The following FHIT variants were observed in gnomAD, a reference collection of about 807,000 sequenced individuals.
FHIT encodes fragile histidine triad diadenosine triphosphatase.
In FHIT, 19 loss-of-function variants were observed where a neutral mutation model predicts 17.9. That is an observed-to-expected ratio of 1.06 (90% confidence interval 0.74 to 1.56). The LOEUF (loss-of-function observed/expected upper bound fraction) is 1.56. Ranked by LOEUF, FHIT falls within the 40% of genes most tolerant of loss-of-function variation. The probability of loss-of-function intolerance (pLI) is 0.00; values close to 1 mark genes in which losing one functional copy is unlikely to be tolerated. For missense variants in FHIT, 248 were observed against 189.2 expected (o/e 1.31, Z -1.82); for synonymous variants, 81 against 69.7 (o/e 1.16, Z -0.81).
chr3:60,499,964 TG>T (rs1169193017), intron 5 of FHIT, among the ~76,000 whole-genome samples: 3 of 152,236 alleles, frequency 2.0e-5, no homozygotes, highest in African/African-American at 7.2e-5. Flanking sequence ...TCATCTTTTA[TG>T]GTAAACCTCT....
At chr3:59,807,868 T>C (rs1460269452) in intron 8 of FHIT, among the ~76,000 whole-genome samples, 2 of 152,204 alleles carry the variant, frequency 1.3e-5, no homozygotes, top group Admixed American at 1.3e-4. Context: ...ATGGAGCAGG[T>C]AGATAACTAG....
chr3:60,746,948 A>G (rs1413392003), intron 4 of FHIT, among the ~76,000 whole-genome samples: 3 of 152,170 alleles, frequency 2.0e-5, no homozygotes, highest in Non-Finnish European at 4.4e-5. Context: ...CACTATTTAT[A>G]AAAGCTAGAC....
intron 5 of FHIT, among the ~76,000 whole-genome samples, chr3:60,347,151 G>T (rs1365907565): frequency 2.6e-5 from 4 of 152,064 alleles, no homozygotes; most frequent in African/African-American, 9.7e-5. Flanking sequence ...TTCTCGGTAT[G>T]TGGTATGCCT....
At chr3:60,800,077 T>G (rs1221939015) in intron 4 of FHIT, among the ~76,000 whole-genome samples, 1 of 110,464 alleles carries the variant, frequency 9.1e-6, no homozygotes. Flanking sequence ...CCCAGAGTGA[T>G]AGCAATATCA....
chr3:60,487,435 C>A (rs572961447), intron 5 of FHIT, among the ~76,000 whole-genome samples: 2 of 152,282 alleles, frequency 1.3e-5, no homozygotes, highest in South Asian at 4.2e-4. Context: ...AGTAGGGGAT[C>A]CATCCATGAA....
At chr3:59,886,699 C>G (rs1345468851) in intron 8 of FHIT, among the ~76,000 whole-genome samples, 1 of 152,148 alleles carries the variant, frequency 6.6e-6, no homozygotes, top group Non-Finnish European at 1.5e-5. Context: ...TGGATCTACC[C>G]TCATCACCCA....
At chr3:61,230,283 C>G (rs1476493987) in intron 1 of FHIT, among the ~76,000 whole-genome samples, 2 of 152,166 alleles carry the variant, frequency 1.3e-5, no homozygotes, top group Non-Finnish European at 2.9e-5. Flanking sequence ...GCACTATCCT[C>G]TTGGTGCTGT....
chr3:59,752,129 G>A, intron 9 of FHIT, 92 bp downstream of exon 9: 3 of 838,794 alleles, frequency 3.6e-6, no homozygotes, highest in South Asian at 1.7e-5. Context: ...GGATGCTGGT[G>A]AAGGTGTTTT....
At chr3:59,878,360 G>A (rs560856421) in intron 8 of FHIT, among the ~76,000 whole-genome samples, 8 of 152,028 alleles carry the variant, frequency 5.3e-5, no homozygotes, top group East Asian at 1.9e-4. Context: ...CCATCTTCCC[G>A]CCTCAAGTGT....
At chr3:60,985,459 T>A (rs1710681335) in intron 3 of FHIT, among the ~76,000 whole-genome samples, 1 of 152,132 alleles carries the variant, frequency 6.6e-6, no homozygotes, top group Non-Finnish European at 1.5e-5. Flanking sequence ...TCAATCATAA[T>A]GCCCCACTGC....
At chr3:59,810,199 G>A (rs2251216) in intron 8 of FHIT, among the ~76,000 whole-genome samples, 123,295 of 151,962 alleles carry the variant, frequency 0.81, 50,352 homozygotes, top group Middle Eastern at 0.92. Context: ...GTGAGGAGGA[G>A]TACTGGAGGA....
chr3:60,857,847 G>A (rs1487533275), intron 3 of FHIT, among the ~76,000 whole-genome samples: 2 of 152,166 alleles, frequency 1.3e-5, no homozygotes, highest in African/African-American at 4.8e-5. Flanking sequence ...AGGATCAACT[G>A]AGCCCAGGAG....
At chr3:60,267,317 T>TACAC (rs5849347) in intron 5 of FHIT, among the ~76,000 whole-genome samples, 132 of 151,662 alleles carry the variant, frequency 8.7e-4, no homozygotes, top group African/African-American at 3.0e-3. Context: ...AGGTCACATA[T>TACAC]ACACACACAC....
intron 5 of FHIT, among the ~76,000 whole-genome samples, chr3:60,040,441 G>A (rs1054795476): frequency 6.6e-6 from 1 of 152,118 alleles, no homozygotes; most frequent in Non-Finnish European, 1.5e-5. Context: ...ACCGCGCCTG[G>A]CCTTTCCTTC....
At chr3:60,852,063 T>G (rs375295999) in intron 3 of FHIT, among the ~76,000 whole-genome samples, 1 of 152,096 alleles carries the variant, frequency 6.6e-6, no homozygotes, top group Non-Finnish European at 1.5e-5. Context: ...AATCAACAGA[T>G]GCAGTAAAGC....
chr3:60,352,639 T>C (rs911930076), intron 5 of FHIT, among the ~76,000 whole-genome samples: 1 of 152,110 alleles, frequency 6.6e-6, no homozygotes, highest in South Asian at 2.1e-4. Context: ...GTAGCTGAGA[T>C]TGCAGTTGTC....
At chr3:59,768,513 CAGG>C (rs1181296290) in intron 8 of FHIT, among the ~76,000 whole-genome samples, 1 of 152,200 alleles carries the variant, frequency 6.6e-6, no homozygotes, top group African/African-American at 2.4e-5. Context: ...GGTTCCATTT[CAGG>C]ACACTTATTG....
chr3:60,982,176 T>A (rs1003544165), intron 3 of FHIT, among the ~76,000 whole-genome samples: 3 of 152,216 alleles, frequency 2.0e-5, no homozygotes. Context: ...CCTGCTACAC[T>A]CAGAATAAAG....
intron 5 of FHIT, among the ~76,000 whole-genome samples, chr3:60,090,625 A>C (rs1397494505): frequency 6.6e-6 from 1 of 152,184 alleles, no homozygotes; most frequent in African/African-American, 2.4e-5. Flanking sequence ...AACGAAGTGA[A>C]GGTGACAACC....
Sources: allele counts gnomAD v4.1 joint callset (sites outside exome capture counted in the v4.1 genomes callset), GRCh38; gene constraint gnomAD v4.1.1; transcripts MANE v1.5; gene names NCBI Gene and HGNC (gene_info 2026-07-23, HGNC 2026-07-21).